KCNJ3: variants seen among roughly 807,000 people sequenced by gnomAD.
KCNJ3 encodes the protein G protein-activated inward rectifier potassium channel 1.
Under a neutral mutation model 39.2 loss-of-function variants are expected in KCNJ3, and 4 were observed. The ratio of observed to expected loss-of-function variants is 0.10; its 90% CI spans 0.05 to 0.23. The LOEUF is 0.23. Ranked by LOEUF, KCNJ3 falls within the 10% of genes least tolerant of loss-of-function variation. KCNJ3 has a pLI of 1.00. For missense variants in KCNJ3, 276 were observed against 634.9 expected, an observed-to-expected ratio of 0.43 and a Z score of 6.08; for synonymous variants, 230 against 237.4, an observed-to-expected ratio of 0.97 and a Z score of 0.29.
intron 2 of KCNJ3, among the ~76,000 whole-genome samples, chr2:154,840,999 C>A (rs1284591752): frequency 6.6e-6 from 1 of 152,158 alleles, no homozygotes; most frequent in South Asian, 2.1e-4. Flanking sequence ...AGAGAACATC[C>A]TTGTCTGGTG....
At chr2:154,771,661 AGTTG>A (rs1174473625) in intron 2 of KCNJ3, among the ~76,000 whole-genome samples, 1 of 152,188 alleles carries the variant, frequency 6.6e-6, no homozygotes, top group Non-Finnish European at 1.5e-5. Flanking sequence ...GTTCCATTAC[AGTTG>A]GTATTGACTG....
intron 2 of KCNJ3, among the ~76,000 whole-genome samples, chr2:154,754,510 G>A (rs1685904703): frequency 6.6e-6 from 1 of 152,110 alleles, no homozygotes; most frequent in Admixed American, 6.6e-5. Context: ...CCCGACCTCC[G>A]GCAATCCACC....
At chr2:154,825,443 G>A (rs1351067283) in intron 2 of KCNJ3, among the ~76,000 whole-genome samples, 2 of 152,066 alleles carry the variant, frequency 1.3e-5, no homozygotes, top group Non-Finnish European at 2.9e-5. Flanking sequence ...GAATGTTAAT[G>A]ATGTAACTGA....
Position 154,699,394 on chromosome 2 carries a change from G to T in KCNJ3, c.619G>T (p.Gly207Ter). The change falls in exon 1 of 3, where the codon GGA (glycine) becomes TGA (stop). Residue 207 changes from glycine (G) to a stop codon, truncating the protein, a stop_gained. Transcript: ENST00000295101. LOFTEE classifies it high-confidence loss of function. The surrounding 1 kb of genome is among the most constrained non-coding windows in gnomAD (Gnocchi z 6.4). ...GCACGCGGTGATCTCCATGAGGGACGGAAAACTCACGCTTATGTTCCGGGT... is the reference window on the plus strand; with the variant it reads ...GCACGCGGTGATCTCCATGAGGGACTGAAAACTCACGCTTATGTTCCGGGT... ...SEHAVISMRDGKLTLMFRVGN... is the reference protein window; with the variant it reads ...SEHAVISMRD The T allele has an allele frequency of 6.2e-7, 1 of 1,609,182 alleles. No homozygotes were observed.
intron 2 of KCNJ3, among the ~76,000 whole-genome samples, chr2:154,798,644 G>A (rs1686760478): frequency 6.6e-6 from 1 of 152,148 alleles, no homozygotes; most frequent in South Asian, 2.1e-4. Context: ...TAAGATAAGT[G>A]AACCATGTTA....
Position 154,822,676 on chromosome 2 carries a change from A to G in KCNJ3, c.920-32051A>G, listed in dbSNP as rs577210457. ...GAGTAAAGTTTTCATTCCTCCAAGTAAATGAAACATTAATTAATATGCTAA... is the reference window on the plus strand; with the variant it reads ...GAGTAAAGTTTTCATTCCTCCAAGTGAATGAAACATTAATTAATATGCTAA... On this transcript the variant is annotated intron_variant, in intron 2 of 2. Coordinates refer to ENST00000295101, the MANE Select transcript of KCNJ3 (RefSeq NM_002239.4). Among the ~76,000 whole-genome samples, 3 of 152,244 alleles carry G rather than the reference A, an allele frequency of 2.0e-5. No individual in the cohort carries two copies. In the South Asian group the frequency reaches 6.2e-4, roughly 32 times the overall value.
At chr2:154,708,930 G>C (rs1685058048) in intron 1 of KCNJ3, among the ~76,000 whole-genome samples, 1 of 152,148 alleles carries the variant, frequency 6.6e-6, no homozygotes. Context: ...TAAAACTCAT[G>C]AAATGACAGA....
chr2:154,730,138 C>A (rs1400066197), intron 2 of KCNJ3, among the ~76,000 whole-genome samples: 2 of 151,924 alleles, frequency 1.3e-5, no homozygotes, highest in Admixed American at 6.6e-5. Context: ...AACTAAGGAC[C>A]AACAGGGCTT....
intron 1 of KCNJ3, among the ~76,000 whole-genome samples, chr2:154,706,973 A>T (rs1436950380): frequency 6.6e-6 from 1 of 152,124 alleles, no homozygotes; most frequent in Non-Finnish European, 1.5e-5. Context: ...AGGAAAAAAA[A>T]TCAGGGAGGT....
intron 2 of KCNJ3, among the ~76,000 whole-genome samples, chr2:154,717,186 G>A (rs571608945): frequency 4.6e-4 from 70 of 152,262 alleles, no homozygotes; most frequent in African/African-American, 1.5e-3. Context: ...ACAAGTGCAG[G>A]CACTTAGGAT....
chr2:154,722,319 C>T (rs541920448), intron 2 of KCNJ3, among the ~76,000 whole-genome samples: 3 of 152,224 alleles, frequency 2.0e-5, no homozygotes, highest in South Asian at 4.2e-4. Flanking sequence ...AACATGTACA[C>T]AGGCAGTGAT....
intron 1 of KCNJ3, among the ~76,000 whole-genome samples, chr2:154,701,476 T>C (rs1397037391): frequency 6.6e-6 from 1 of 152,094 alleles, no homozygotes; most frequent in Non-Finnish European, 1.5e-5. Flanking sequence ...TATGTTAGTT[T>C]TTGTTTATTT....
rs567654360 is a variant in KCNJ3 at position 154,849,866 on chromosome 2, GA to G, written c.920-4857del. Among the ~76,000 whole-genome samples the G allele has an allele frequency of 1.6e-4, 24 of 152,104 alleles. 1 individual carries two copies. The South Asian group carries it at 5.0e-3, about 32-fold the overall frequency. ...CAGTTTAGAGGCAGAATCAGGAAAG[GA>G]AAATGTCAAAAATAAAAAGGTTAGA... On this transcript the variant is annotated intron_variant, in intron 2 of 2. Transcript: ENST00000295101.
At chr2:154,702,579 G>A (rs1462095754) in intron 1 of KCNJ3, among the ~76,000 whole-genome samples, 1 of 151,862 alleles carries the variant, frequency 6.6e-6, no homozygotes, top group East Asian at 1.9e-4. Flanking sequence ...TTATTTGAAA[G>A]CACATTTTAT....
At chr2:154,792,410 C>A (rs772360381) in intron 2 of KCNJ3, among the ~76,000 whole-genome samples, 2 of 152,110 alleles carry the variant, frequency 1.3e-5, no homozygotes, top group Non-Finnish European at 2.9e-5. Flanking sequence ...GGAATCAGCA[C>A]TAACTGATTA....
chr2:154,738,434 A>G (rs1003760744), intron 2 of KCNJ3, among the ~76,000 whole-genome samples: 1 of 152,118 alleles, frequency 6.6e-6, no homozygotes, highest in African/African-American at 2.4e-5. Flanking sequence ...AATTGTTTGT[A>G]ACTCAAAGAA....
chr2:154,839,858 G>A (rs1450204141), intron 2 of KCNJ3, among the ~76,000 whole-genome samples: 1 of 151,864 alleles, frequency 6.6e-6, no homozygotes, highest in Admixed American at 6.6e-5. Context: ...TGAGAAGATT[G>A]CAAAAATTTC....
chr2:154,751,623 A>G (rs1251774249), intron 2 of KCNJ3, among the ~76,000 whole-genome samples: 9 of 152,132 alleles, frequency 5.9e-5, no homozygotes, highest in Admixed American at 2.0e-4. Context: ...AAATAATTAT[A>G]TCCTCTAGAA....
chr2:154,727,577 G>C (rs960035484), intron 2 of KCNJ3, among the ~76,000 whole-genome samples: 3 of 110,010 alleles, frequency 2.7e-5, no homozygotes, highest in Non-Finnish European at 5.5e-5. Flanking sequence ...TGGGAAGCAA[G>C]AGCGAAACTC....
Sources: allele counts gnomAD v4.1 joint callset (sites outside exome capture counted in the v4.1 genomes callset), GRCh38; gene constraint gnomAD v4.1.1; non-coding constraint Gnocchi (gnomAD v3.1); transcripts MANE v1.5; gene names NCBI Gene and HGNC (gene_info 2026-07-23, HGNC 2026-07-21).